EPB41L3: variants seen among roughly 807,000 people sequenced by gnomAD.
EPB41L3 encodes the protein erythrocyte membrane protein band 4.1 like 3.
Under a neutral mutation model 127.1 loss-of-function variants are expected in EPB41L3, and 57 were observed. That is an observed-to-expected ratio of 0.45 (90% confidence interval 0.36 to 0.56). The LOEUF (loss-of-function observed/expected upper bound fraction) is 0.56, where lower values mean the gene tolerates loss of function less well. Among genes scored for constraint, EPB41L3 ranks in the 20% least tolerant of loss-of-function variants. EPB41L3 has a pLI of 0.00. For missense variants in EPB41L3, 1,273 were observed against 1,372.2 expected, an observed-to-expected ratio of 0.93 and a Z score of 1.14; for synonymous variants, 572 against 549.5, an observed-to-expected ratio of 1.04 and a Z score of -0.57.
At chr18:5,518,825 G>A (rs986183819) in intron 1 of EPB41L3, among the ~76,000 whole-genome samples, 9 of 152,112 alleles carry the variant, frequency 5.9e-5, no homozygotes, top group African/African-American at 1.7e-4. Context: ...GAATGGGACC[G>A]CAATGAACAT....
chr18:5,420,054 GA>G (rs2077280601), intron 11 of EPB41L3, 177 bp from the exon 12 acceptor site: 1 of 1,371,130 alleles, frequency 7.3e-7, no homozygotes. Flanking sequence ...GGTTTGCCTT[GA>G]AAAAACAAAT....
intron 3 of EPB41L3, among the ~76,000 whole-genome samples, chr18:5,459,617 A>AT (rs1362680747): frequency 6.6e-6 from 1 of 152,154 alleles, no homozygotes; most frequent in East Asian, 1.9e-4. Context: ...GGAAGTTCTT[A>AT]ATCTGTATCT....
intron 3 of EPB41L3, among the ~76,000 whole-genome samples, chr18:5,563,859 C>G (rs141069476): frequency 6.6e-6 from 1 of 152,010 alleles, no homozygotes; most frequent in Non-Finnish European, 1.5e-5. Flanking sequence ...TCTAACAATC[C>G]GTAAAATATT....
At chr18:5,550,083 A>G (rs900514121) in intron 3 of EPB41L3, among the ~76,000 whole-genome samples, 2 of 152,248 alleles carry the variant, frequency 1.3e-5, no homozygotes, top group Non-Finnish European at 2.9e-5. Context: ...TTGCAGTAAC[A>G]CTGCAACTCT....
chr18:5,505,160 G>T (rs1488566284), intron 1 of EPB41L3, among the ~76,000 whole-genome samples: 1 of 152,062 alleles, frequency 6.6e-6, no homozygotes, highest in East Asian at 1.9e-4. Context: ...TTTCTTTTCT[G>T]TTGACTAAAA....
chr18:5,425,450 A>C (rs985273291), intron 9 of EPB41L3, among the ~76,000 whole-genome samples: 1 of 152,138 alleles, frequency 6.6e-6, no homozygotes, highest in African/African-American at 2.4e-5. Flanking sequence ...ATCATCATCC[A>C]TTTATTCATC....
intron 3 of EPB41L3, among the ~76,000 whole-genome samples, chr18:5,566,702 C>T (rs1253184079): frequency 1.3e-5 from 2 of 151,494 alleles, no homozygotes; most frequent in East Asian, 2.0e-4. Flanking sequence ...CACTACCTGA[C>T]CTTTCTTTTC....
intron 16 of EPB41L3, chr18:5,400,526 A>G (rs1171162755): frequency 2.2e-6 from 1 of 456,648 alleles, no homozygotes; most frequent in Non-Finnish European, 4.4e-6. Context: ...GTTTTCTGGA[A>G]AATTATTTGA....
intron 9 of EPB41L3, 38 bp downstream of exon 9, chr18:5,428,275 T>C: frequency 2.5e-6 from 4 of 1,609,136 alleles, no homozygotes; most frequent in Non-Finnish European, 3.4e-6. Flanking sequence ...ATCAGGGATC[T>C]TTCCTCCCAA....
chr18:5,453,148 T>G (rs577110093), intron 3 of EPB41L3, among the ~76,000 whole-genome samples: 7 of 152,338 alleles, frequency 4.6e-5, no homozygotes, highest in African/African-American at 1.7e-4. Flanking sequence ...GTCTCAGCAC[T>G]GGACTACAAT....
intron 3 of EPB41L3, among the ~76,000 whole-genome samples, chr18:5,446,658 A>T (rs902969594): frequency 6.6e-6 from 1 of 152,244 alleles, no homozygotes; most frequent in African/African-American, 2.4e-5. Flanking sequence ...GCTGAAAGCA[A>T]TTACGCAGTC....
At chr18:5,519,806 G>C (rs905633058) in intron 1 of EPB41L3, among the ~76,000 whole-genome samples, 1 of 152,196 alleles carries the variant, frequency 6.6e-6, no homozygotes, top group African/African-American at 2.4e-5. Flanking sequence ...ATTTAGCTGA[G>C]TAGTTACTGA....
chr18:5,563,311 C>T (rs1487202538), intron 3 of EPB41L3, among the ~76,000 whole-genome samples: 1 of 152,146 alleles, frequency 6.6e-6, no homozygotes, highest in African/African-American at 2.4e-5. Context: ...GGGAGCAACA[C>T]AGTTCTATTT....
At position 5,625,944 on chromosome 18, in the gene EPB41L3, C is replaced by CTT. The variant is rs199642476; in HGVS notation, c.-468+2976_-468+2977dup. On this transcript the variant is annotated intron_variant, in intron 1 of 21. Transcript: ENST00000545076. ...AGTCCCCAATGTAAGTTCTACCATG[C>CTT]TTTTTTTTTTTTGTCCATTCATGTC... Among the ~76,000 whole-genome samples the CTT allele has an allele frequency of 9.7e-5, 14 of 144,220 alleles. No homozygotes were observed. The East Asian group carries it at 1.6e-3, about 17-fold the overall frequency. 94.6% of individuals were successfully genotyped at this position (144,220 alleles called of 152,430 possible).
chr18:5,466,330 T>A (rs1355762220), intron 3 of EPB41L3: 1 of 152,226 alleles, frequency 6.6e-6, no homozygotes, highest in East Asian at 1.9e-4. Flanking sequence ...GACACTGGAC[T>A]GTAGGGCATT....
At chr18:5,538,632 T>G (rs953484578) in intron 1 of EPB41L3, among the ~76,000 whole-genome samples, 1 of 152,130 alleles carries the variant, frequency 6.6e-6, no homozygotes, top group Non-Finnish European at 1.5e-5. Flanking sequence ...TGCTAGGAGA[T>G]CAATATCATC....
At chr18:5,407,676 GT>G (rs781082218) in intron 15 of EPB41L3, 24 bp downstream of exon 15, 1 of 1,611,938 alleles carries the variant, frequency 6.2e-7, no homozygotes, top group African/African-American at 1.3e-5. Flanking sequence ...TGTTGTTGTT[GT>G]TTGTTTTATT....
chr18:5,617,162 C>T (rs1451583180), intron 1 of EPB41L3, among the ~76,000 whole-genome samples: 1 of 152,044 alleles, frequency 6.6e-6, no homozygotes, highest in African/African-American at 2.4e-5. Flanking sequence ...TTTTTATATA[C>T]TGGCCTCCCT....
intron 22 of EPB41L3, chr18:5,394,458 T>C (rs376217551): frequency 2.6e-4 from 130 of 496,822 alleles, no homozygotes; most frequent in East Asian, 1.9e-3. Flanking sequence ...CTGCTCTTCC[T>C]TTATCCTCTA....
Sources: allele counts gnomAD v4.1 joint callset (sites outside exome capture counted in the v4.1 genomes callset), GRCh38; gene constraint gnomAD v4.1.1; transcripts MANE v1.5; gene names NCBI Gene and HGNC (gene_info 2026-07-23, HGNC 2026-07-21).